The following TESK2 variants were observed in gnomAD, a reference collection of about 807,000 sequenced individuals.
TESK2 encodes dual specificity testis-specific protein kinase 2.
TESK2 carries 39 observed loss-of-function variants against 57.1 expected under a neutral mutation model. That is an observed-to-expected ratio of 0.68 (90% CI 0.53 to 0.89). The LOEUF (loss-of-function observed/expected upper bound fraction) is 0.89, where lower values mean the gene tolerates loss of function less well. Among genes scored for constraint, TESK2 ranks in the 40% least tolerant of loss-of-function variants. The pLI is 0.00. For missense variants in TESK2, 646 were observed against 732.1 expected (o/e 0.88, Z 1.36); for synonymous variants, 249 against 267.9 (o/e 0.93, Z 0.69).
intron 3 of TESK2, among the ~76,000 whole-genome samples, chr1:45,404,644 A>G (rs1649760184): frequency 6.6e-6 from 1 of 151,428 alleles, no homozygotes; most frequent in African/African-American, 2.4e-5. Context: ...CCTGGGTTCA[A>G]GCAATTCTCC....
At chr1:45,483,508 G>T (rs565941602) in intron 1 of TESK2, among the ~76,000 whole-genome samples, 6 of 151,642 alleles carry the variant, frequency 4.0e-5, no homozygotes, top group Admixed American at 1.3e-4. Flanking sequence ...TGAAGAGGGA[G>T]AACTGCTTGA....
rs551308935 is a variant in TESK2, at chr1:45,384,019, G to A, written c.393+1893C>T. Among the ~76,000 whole-genome samples the A allele has an allele frequency of 5.3e-5, 8 of 152,266 alleles. No individual in the cohort carries two copies. In the South Asian group the frequency reaches 1.7e-3, roughly 32 times the overall value. On this transcript the variant is annotated intron_variant, in intron 4 of 10. Transcript: ENST00000372086. The stretch of plus-strand genomic sequence containing the variant: ...AATATTAACAATTCAGAGTTCAGAA[G>A]AGGGACTAGTCACTGTTATTTTGTT...
At chr1:45,475,099 C>T (rs1652932040) in intron 1 of TESK2, among the ~76,000 whole-genome samples, 1 of 147,230 alleles carries the variant, frequency 6.8e-6, no homozygotes, top group African/African-American at 2.5e-5. Context: ...AAAAGAAAGG[C>T]AACTCACCTT....
chr1:45,421,869 A>G (rs767503367), intron 2 of TESK2, 23 bp from the exon 3 acceptor site: 1 of 1,613,082 alleles, frequency 6.2e-7, no homozygotes, highest in Non-Finnish European at 8.5e-7. Context: ...ATAGAACAAG[A>G]AAAGAGGGTC....
intron 4 of TESK2, among the ~76,000 whole-genome samples, chr1:45,384,540 C>A (rs1648798909): frequency 6.7e-6 from 1 of 150,198 alleles, no homozygotes; most frequent in African/African-American, 2.5e-5. Context: ...CTGCCCCAGA[C>A]TCCTGAGTAA....
At chr1:45,347,490 C>G in intron 7 of TESK2, 119 bp downstream of exon 7, 1 of 906,594 alleles carries the variant, frequency 1.1e-6, no homozygotes, top group Non-Finnish European at 1.7e-6. Flanking sequence ...AGCTTGAACT[C>G]GGGAGGCAGT....
chr1:45,437,385 T>G (rs1244978346), intron 2 of TESK2, among the ~76,000 whole-genome samples: 1 of 152,198 alleles, frequency 6.6e-6, no homozygotes, highest in Non-Finnish European at 1.5e-5. Context: ...GAAATGCTGA[T>G]TTTTGTGCAT....
chr1:45,482,841 G>A (rs1266051247), intron 1 of TESK2, among the ~76,000 whole-genome samples: 3 of 151,748 alleles, frequency 2.0e-5, no homozygotes, highest in South Asian at 2.1e-4. Context: ...TTAGCTGGGC[G>A]TGGTGGCAGG....
Position 45,355,499 on chromosome 1 carries a change from C to T in TESK2, c.394-50G>A, listed in dbSNP as rs889370565. On this transcript the variant is annotated intron_variant, in intron 4 of 10. Coordinates refer to ENST00000372086, the MANE Select transcript of TESK2 (RefSeq NM_007170.3). ...CTACCATTTATCAGAAATATTTAGGCTAGTGGTGAAACCATTAGAGAGTAA... is the reference window on the plus strand; with the variant it reads ...CTACCATTTATCAGAAATATTTAGGTTAGTGGTGAAACCATTAGAGAGTAA... 1.9e-6 allele frequency: 3 copies of T among 1,575,284 alleles called. No homozygotes were observed. The African/African-American group carries it at 4.1e-5, about 22-fold the overall frequency.
chr1:45,415,560 C>T (rs191248188), intron 3 of TESK2, among the ~76,000 whole-genome samples: 9 of 152,148 alleles, frequency 5.9e-5, no homozygotes, highest in Non-Finnish European at 1.2e-4. Flanking sequence ...ACAACAACAA[C>T]AACAACAACA....
intron 4 of TESK2, 23 bp downstream of exon 4, chr1:45,385,889 T>A: frequency 1.9e-6 from 3 of 1,581,914 alleles, no homozygotes; most frequent in Non-Finnish European, 2.6e-6. Flanking sequence ...AATACGTTAC[T>A]TCAACACTTA....
intron 3 of TESK2, among the ~76,000 whole-genome samples, chr1:45,401,043 A>AC (rs71052873): frequency 6.7e-6 from 1 of 149,764 alleles, no homozygotes; most frequent in Non-Finnish European, 1.5e-5. Flanking sequence ...AAAAAAAAAA[A>AC]GAAGTGAAGA....
At position 45,451,204 on chromosome 1, in the gene TESK2, T is replaced by A. The variant is rs1383573509; in HGVS notation, c.222+6360A>T. ...TTCCATAGATTCATGATTTTATAGT[T>A]AGAGTTTATATCTACTTGTGTTTTT... On this transcript the variant is annotated intron_variant, in intron 2 of 10. Coordinates refer to ENST00000372086, the MANE Select transcript of TESK2 (RefSeq NM_007170.3). 2.0e-5 allele frequency among the ~76,000 whole-genome samples: 3 copies of A among 152,132 alleles called. No homozygotes were observed. In the East Asian group the frequency reaches 5.8e-4, roughly 29 times the overall value.
chr1:45,436,306 T>C (rs1651219228), intron 2 of TESK2, among the ~76,000 whole-genome samples: 1 of 143,464 alleles, frequency 7.0e-6, no homozygotes, highest in Non-Finnish European at 1.5e-5. Context: ...TGCCTCAGCC[T>C]CCTGAGTAGC....
intron 4 of TESK2, among the ~76,000 whole-genome samples, chr1:45,364,948 T>C (rs563498485): frequency 6.6e-6 from 1 of 152,198 alleles, no homozygotes; most frequent in Non-Finnish European, 1.5e-5. Context: ...TAGTGGCTTG[T>C]TGGCACTCTA....
At chr1:45,346,315 ATCC>A (rs1647143022) in intron 9 of TESK2, among the ~76,000 whole-genome samples, 1 of 152,168 alleles carries the variant, frequency 6.6e-6, no homozygotes, top group Non-Finnish European at 1.5e-5. Flanking sequence ...CTACCCCTTG[ATCC>A]TAACAGGTAA....
In TESK2 at chr1:45,403,882, G is replaced by GAAAA. The variant is rs562862639; in HGVS notation, c.344+17839_344+17842dup. Among the ~76,000 whole-genome samples the GAAAA allele has an allele frequency of 1.1e-3, 92 of 84,872 alleles. No individual in the cohort carries two copies. The East Asian group carries it at 0.014, about 13-fold the overall frequency. The allele number at this position is 84,872 out of a possible 152,430, so 55.7% of individuals were successfully genotyped here. ...CATTGCTCAAAACTGCCATGCAAGC[G>GAAAA]AAAAAAAAAAAAAAAAACAAGTCTC... On this transcript the variant is annotated intron_variant, in intron 3 of 10. Transcript: ENST00000372086.
chr1:45,364,452 C>T (rs372489941), intron 4 of TESK2, among the ~76,000 whole-genome samples: 24 of 152,256 alleles, frequency 1.6e-4, no homozygotes, highest in African/African-American at 5.1e-4. Context: ...AGGATCTTCC[C>T]GTAGAGCCTT....
chr1:45,376,190 AG>A (rs1443644942), intron 4 of TESK2, among the ~76,000 whole-genome samples: 2 of 149,334 alleles, frequency 1.3e-5, no homozygotes, highest in African/African-American at 2.5e-5. Context: ...AAAGGATTTG[AG>A]ATGTGACATT....
Sources: gnomAD v4.1 joint callset for allele counts (sites outside exome capture counted in the v4.1 genomes callset) on GRCh38, gnomAD v4.1.1 for gene constraint, MANE v1.5 for transcripts, NCBI Gene and HGNC (gene_info 2026-07-23, HGNC 2026-07-21) for gene names.